Variants in RANBP17 observed in about 807,000 individuals in gnomAD.
RANBP17 encodes RAN binding protein 17, also known as ran-binding protein 17.
RANBP17 carries 158 observed loss-of-function variants against 141.2 expected under a neutral mutation model. The observed-to-expected ratio is 1.12, with a 90% CI of 0.98 to 1.28. RANBP17 has a LOEUF of 1.28. RANBP17 is among the 50% of genes most tolerant of loss of function. The pLI, the probability that RANBP17 is intolerant of heterozygous loss-of-function variation, is 0.00. For synonymous variants in RANBP17, 430 were observed against 450.0 expected (o/e 0.96, Z 0.56); for missense variants, 1,438 against 1,290.7 (o/e 1.11, Z -1.75).
intron 14 of RANBP17, among the ~76,000 whole-genome samples, chr5:171,154,500 G>A (rs1007246382): frequency 1.3e-5 from 2 of 152,108 alleles, no homozygotes; most frequent in Non-Finnish European, 2.9e-5. Flanking sequence ...AGCTGGTCTT[G>A]AACTCCTGAC....
intron 24 of RANBP17, among the ~76,000 whole-genome samples, chr5:171,247,242 G>A (rs1007007626): frequency 1.3e-5 from 2 of 152,164 alleles, no homozygotes; most frequent in African/African-American, 4.8e-5. Context: ...GCCTGGTAGA[G>A]ATTATTTTCT....
chr5:171,089,508 C>T (rs1291494568), intron 14 of RANBP17, among the ~76,000 whole-genome samples: 13 of 152,050 alleles, frequency 8.5e-5, no homozygotes, highest in Non-Finnish European at 1.8e-4. Context: ...TTCCCGGCTG[C>T]TTTGTTTACC....
chr5:170,863,346 A>G (rs1223701010), intron 1 of RANBP17: 2 of 152,282 alleles, frequency 1.3e-5, no homozygotes, highest in African/African-American at 2.4e-5. Context: ...CAGTGTATCT[A>G]AGAATCTCAT....
At chr5:171,047,302 G>A (rs563903752) in intron 14 of RANBP17, among the ~76,000 whole-genome samples, 1 of 151,620 alleles carries the variant, frequency 6.6e-6, no homozygotes, top group Non-Finnish European at 1.5e-5. Flanking sequence ...ACAGGTGTGA[G>A]CCACTGCACT....
At chr5:171,240,699 T>C (rs763421690) in intron 22 of RANBP17, among the ~76,000 whole-genome samples, 1 of 152,184 alleles carries the variant, frequency 6.6e-6, no homozygotes, top group Non-Finnish European at 1.5e-5. Flanking sequence ...GATAAAAATA[T>C]AGAGCTTTTC....
intron 3 of RANBP17, among the ~76,000 whole-genome samples, chr5:170,883,345 T>A (rs748940984): frequency 3.9e-5 from 6 of 152,196 alleles, no homozygotes; most frequent in Non-Finnish European, 5.9e-5. Context: ...AGGACTTCCG[T>A]ATAGTCCCTT....
chr5:171,275,687 T>C (rs1767439242), intron 25 of RANBP17, among the ~76,000 whole-genome samples: 1 of 152,220 alleles, frequency 6.6e-6, no homozygotes, highest in Non-Finnish European at 1.5e-5. Flanking sequence ...TAGCCTCTTA[T>C]TAAAGTTGCT....
intron 14 of RANBP17, among the ~76,000 whole-genome samples, chr5:171,126,709 T>C (rs183781264): frequency 3.1e-4 from 47 of 152,100 alleles, no homozygotes; most frequent in African/African-American, 1.1e-3. Context: ...GCTAACAAAA[T>C]TGGAAAGCCT....
At position 170,905,156 on chromosome 5, in the gene RANBP17, T is replaced by C. The variant is rs535661265; in HGVS notation, c.490-4505T>C. Reference sequence around the variant, plus strand: ...TTTTTACCCTGTACAAGGGGAGTTTTCAGAAGCTGTACTTCTCCCCAACAG... The same window carrying C: ...TTTTTACCCTGTACAAGGGGAGTTTCCAGAAGCTGTACTTCTCCCCAACAG... On this transcript the variant is annotated intron_variant, in intron 5 of 27. Transcript: ENST00000523189. Among the ~76,000 whole-genome samples the C allele has an allele frequency of 7.9e-5, 12 of 152,302 alleles. 1 individual carries two copies. In the East Asian group the frequency reaches 2.1e-3, roughly 27 times the overall value.
chr5:171,093,783 C>A (rs1369481013), intron 14 of RANBP17, among the ~76,000 whole-genome samples: 1 of 152,046 alleles, frequency 6.6e-6, no homozygotes, highest in African/African-American at 2.4e-5. Flanking sequence ...GTGCTTTGGG[C>A]AATAGAGTAA....
chr5:171,235,321 T>G (rs1764472282), intron 22 of RANBP17, among the ~76,000 whole-genome samples: 1 of 144,848 alleles, frequency 6.9e-6, no homozygotes, highest in African/African-American at 2.5e-5. Context: ...TTTGCATGTG[T>G]CTTTTTTTTT....
chr5:170,881,721 T>C lies in RANBP17; in HGVS notation c.166-85T>C. Reference sequence around the variant, plus strand: ...CAGTTTGGAAAACCGGAAGAATTTCTGTTATTGCTTAGAAGAACATCTCTA... The same window carrying C: ...CAGTTTGGAAAACCGGAAGAATTTCCGTTATTGCTTAGAAGAACATCTCTA... On this transcript the variant is annotated intron_variant, in intron 2 of 27. Transcript: ENST00000523189. 3 of 955,228 alleles carry C rather than the reference T, an allele frequency of 3.1e-6. No homozygotes were observed. In the South Asian group the frequency reaches 7.1e-5, roughly 23 times the overall value. The allele number at this position is 955,228 out of a possible 1,614,324, so 59.2% of individuals were successfully genotyped here. A position where few individuals can be genotyped will look rare whatever the true frequency, so the allele number is the denominator to read the frequency against.
At chr5:171,105,723 G>A (rs201072958) in intron 14 of RANBP17, among the ~76,000 whole-genome samples, 18 of 148,776 alleles carry the variant, frequency 1.2e-4, no homozygotes, top group Non-Finnish European at 1.9e-4. Context: ...GTCTCAAAAA[G>A]AAAAAAAAAA....
At chr5:171,188,156 T>G (rs996918396) in intron 18 of RANBP17, among the ~76,000 whole-genome samples, 9 of 152,132 alleles carry the variant, frequency 5.9e-5, no homozygotes, top group African/African-American at 2.2e-4. Flanking sequence ...TAAGGAAAGA[T>G]TAAAAGAACC....
intron 13 of RANBP17, among the ~76,000 whole-genome samples, chr5:170,956,508 G>A (rs938435061): frequency 4.6e-5 from 7 of 152,026 alleles, no homozygotes; most frequent in African/African-American, 1.4e-4. Context: ...AATAACAGGT[G>A]TTTGGGGCCT....
intron 14 of RANBP17, among the ~76,000 whole-genome samples, chr5:171,140,080 T>C (rs1197216604): frequency 6.6e-6 from 1 of 152,210 alleles, no homozygotes; most frequent in Non-Finnish European, 1.5e-5. Context: ...TTCACCGTTA[T>C]TTCCTGCTTA....
At chr5:171,247,090 A>G (rs1200295681) in intron 24 of RANBP17, among the ~76,000 whole-genome samples, 1 of 152,216 alleles carries the variant, frequency 6.6e-6, no homozygotes, top group Non-Finnish European at 1.5e-5. Flanking sequence ...GCTGTGGCTC[A>G]GAGAGGTGAA....
At chr5:171,136,118 AT>A (rs564362143) in intron 14 of RANBP17, among the ~76,000 whole-genome samples, 1 of 152,298 alleles carries the variant, frequency 6.6e-6, no homozygotes, top group South Asian at 2.1e-4. Flanking sequence ...GAATCAAATA[AT>A]TTCTCTCATT....
intron 14 of RANBP17, among the ~76,000 whole-genome samples, chr5:171,062,624 G>A (rs745940123): frequency 1.5e-4 from 23 of 152,084 alleles, no homozygotes; most frequent in Non-Finnish European, 2.8e-4. Context: ...TGGTGAATCT[G>A]ACAATTATGT....
Sources: allele counts gnomAD v4.1 joint callset (sites outside exome capture counted in the v4.1 genomes callset), GRCh38; gene constraint gnomAD v4.1.1; transcripts MANE v1.5; gene names NCBI Gene and HGNC (gene_info 2026-07-23, HGNC 2026-07-21).